Variants in IL12RB1 observed in about 807,000 individuals in gnomAD.
The protein encoded by IL12RB1 is interleukin 12 receptor subunit beta 1, also known as interleukin-12 receptor subunit beta-1.
IL12RB1 carries 64 observed loss-of-function variants against 94.4 expected under a neutral mutation model. The observed-to-expected ratio is 0.68, with a 90% confidence interval of 0.55 to 0.83. The LOEUF is 0.83. IL12RB1 is among the 40% of genes least tolerant of loss of function. The pLI is 0.00. For missense variants in IL12RB1, 814 were observed against 855.6 expected, an observed-to-expected ratio of 0.95 and a Z score of 0.61; for synonymous variants, 362 against 355.5, an observed-to-expected ratio of 1.02 and a Z score of -0.21.
chr19:18,059,447 T>A lies in IL12RB1; in HGVS notation c.*161A>T, dbSNP rs572939992. Reference sequence around the variant, plus strand: ...CAGCAGCTTCCATTTCATGGCAGCATCTAGGGTTCCCCCGCAGGATGGGTG... The same window carrying A: ...CAGCAGCTTCCATTTCATGGCAGCAACTAGGGTTCCCCCGCAGGATGGGTG... On this transcript the variant is annotated 3_prime_UTR_variant, in exon 17 of 17. Transcript: ENST00000593993. 14 of 645,288 alleles carry A rather than the reference T, an allele frequency of 2.2e-5. No homozygotes were observed. The African/African-American group carries it at 2.9e-4, about 13-fold the overall frequency. The allele number at this position is 645,288 out of a possible 1,614,324, so 40.0% of individuals were successfully genotyped here. A position where few individuals can be genotyped will look rare whatever the true frequency, so the allele number is the denominator to read the frequency against.
Position 18,066,798 on chromosome 19 carries a change from G to A in IL12RB1, c.1328-101C>T, listed in dbSNP as rs1052330029. ...TCCCAGCACTTTGGGAGGCCGAGGT[G>A]GGTAAGTCATTTGAGGCCAGGAGTT... On this transcript the variant is annotated intron_variant, in intron 11 of 16. Transcript: ENST00000593993. 5 of 883,284 alleles carry A rather than the reference G, an allele frequency of 5.7e-6. No individual in the cohort carries two copies. In the Admixed American group the frequency reaches 7.4e-5, roughly 13 times the overall value. 54.7% of individuals were successfully genotyped at this position (883,284 alleles called of 1,614,324 possible).
In IL12RB1 at chr19:18,076,279, TA is replaced by T; in HGVS notation, c.580+17del. ...AATTTGCTGCAGCTGTTGTTGTCAT[TA>T]CTATTATTATTCTCACCAGTATCAT... On this transcript the variant is annotated intron_variant, in intron 6 of 16. Coordinates refer to ENST00000593993, the MANE Select transcript of IL12RB1 (RefSeq NM_005535.3). The T allele has an allele frequency of 7.9e-7, 1 of 1,261,604 alleles. No homozygotes were observed. Among genetic ancestry groups the T allele is most frequent in the Non-Finnish European group, 1.2e-6 (1 of 857,742 alleles). 78.2% of individuals were successfully genotyped at this position (1,261,604 alleles called of 1,614,324 possible).
At chr19:18,091,083 G>A (rs952977922), upstream of IL12RB1, among the ~76,000 whole-genome samples, 2 of 152,110 alleles carry the variant, frequency 1.3e-5, no homozygotes, top group Non-Finnish European at 1.5e-5. Flanking sequence ...GGCTTTCTCC[G>A]AGGGCGGTAG....
intron 1 of IL12RB1, among the ~76,000 whole-genome samples, chr19:18,097,366 G>GT (rs1251826102): frequency 2.0e-5 from 3 of 151,388 alleles, no homozygotes; most frequent in African/African-American, 4.9e-5. Flanking sequence ...TTTTGTTTTG[G>GT]TTTTTTTTGT....
Position 18,059,649 on chromosome 19 carries a change from G to T in IL12RB1, c.1984-36C>A, listed in dbSNP as rs372536968. ...CAACAGTCATGGTTCCTTTCAGGGG[G>T]TGGTTGTAGGGATTTGGTAGGGAAT... On this transcript the variant is annotated intron_variant, in intron 16 of 16. Transcript: ENST00000593993. 1.1e-4 allele frequency: 88 copies of T among 780,420 alleles called. No homozygotes were observed. In the Middle Eastern group the frequency reaches 1.8e-3, roughly 16 times the overall value. 48.3% of individuals were successfully genotyped at this position (780,420 alleles called of 1,614,324 possible).
chr19:18,097,973 T>A (rs1662666102), intron 1 of IL12RB1: 1 of 620,798 alleles, frequency 1.6e-6, no homozygotes, highest in Admixed American at 4.6e-5. Flanking sequence ...CGCTTCTTTT[T>A]GACCACCCGC....
rs970804774 is a variant in IL12RB1 at position 18,059,524 on chromosome 19, T to G, written c.*84A>C. 6.7e-5 allele frequency: 51 copies of G among 758,264 alleles called. No homozygotes were observed. Among genetic ancestry groups the G allele is most frequent in the Non-Finnish European group, 1.7e-5 (7 of 406,662 alleles). The allele number at this position is 758,264 out of a possible 1,614,324, so 47.0% of individuals were successfully genotyped here. A position where few individuals can be genotyped will look rare whatever the true frequency, so the allele number is the denominator to read the frequency against. ...CAGGTGCACTGGAGCCTGGAGGAGC[T>G]CTGGGTTATTTGGGTCCAAATGTGA... On this transcript the variant is annotated 3_prime_UTR_variant, in exon 17 of 17. Transcript: ENST00000593993.
At position 18,072,353 on chromosome 19, in the gene IL12RB1, T is replaced by C; in HGVS notation, c.784-4A>G. 6.2e-7 allele frequency: 1 copy of C among 1,604,878 alleles called. No homozygotes were observed. Among genetic ancestry groups the C allele is most frequent in the Non-Finnish European group, 8.5e-7 (1 of 1,171,768 alleles). On this transcript the variant is annotated splice_region_variant and splice_polypyrimidine_tract_variant and intron_variant, in intron 8 of 16. Coordinates refer to ENST00000593993, the MANE Select transcript of IL12RB1 (RefSeq NM_005535.3). The stretch of plus-strand genomic sequence containing the variant: ...CTGGAAGCTCCAGCTGGGTTGGCTG[T>C]CAGGAGTATGAAAGACAGCTTGTGG...
upstream of IL12RB1, among the ~76,000 whole-genome samples, chr19:18,091,760 C>G (rs2036639067): frequency 6.6e-6 from 1 of 151,940 alleles, no homozygotes; most frequent in Non-Finnish European, 1.5e-5. Flanking sequence ...TGCAGTGACA[C>G]AATCATAGCT....
intron 2 of IL12RB1, 33 bp from the exon 3 acceptor site, chr19:18,082,297 C>A: frequency 7.4e-7 from 1 of 1,353,076 alleles, no homozygotes; most frequent in South Asian, 1.2e-5. Context: ...GGGAACAGAC[C>A]AGAGTCTGGA....
chr19:18,072,623 T>C (rs1225665649), intron 8 of IL12RB1, among the ~76,000 whole-genome samples: 1 of 151,926 alleles, frequency 6.6e-6, no homozygotes, highest in Non-Finnish European at 1.5e-5. Context: ...TTTAACCCAG[T>C]TACCTCAAGC....
intron 1 of IL12RB1, among the ~76,000 whole-genome samples, chr19:18,096,832 T>TAAA (rs147883182): frequency 1.5e-5 from 2 of 135,062 alleles, no homozygotes. Flanking sequence ...TCTCATAAAT[T>TAAA]AAAAAAAAAA....
chr19:18,081,091 T>C, intron 3 of IL12RB1, 90 bp from the exon 4 acceptor site: 1 of 1,231,478 alleles, frequency 8.1e-7, no homozygotes, highest in South Asian at 1.3e-5. Flanking sequence ...GCATCGTTTT[T>C]TTGGTGTTTG....
At chr19:18,066,733 A>T (rs2034610874) in intron 11 of IL12RB1, 36 bp from the exon 12 acceptor site, 2 of 1,582,620 alleles carry the variant, frequency 1.3e-6, no homozygotes. Flanking sequence ...CAACACCAAG[A>T]ATGCTGGTCG....
chr19:18,073,723 GA>G (rs1282666958), intron 7 of IL12RB1, 124 bp from the exon 8 acceptor site: 2 of 727,004 alleles, frequency 2.8e-6, no homozygotes, highest in African/African-American at 3.5e-5. Flanking sequence ...CCAAATTGCA[GA>G]AAAGAGAAAA....
chr19:18,084,906 C>A (rs1434040849), intron 1 of IL12RB1, among the ~76,000 whole-genome samples: 1 of 152,200 alleles, frequency 6.6e-6, no homozygotes, highest in African/African-American at 2.4e-5. Context: ...GGGGTGGCAC[C>A]AGTGTCTGAA....
chr19:18,064,109 C>T, intron 12 of IL12RB1, 99 bp from the exon 13 acceptor site: 4 of 670,390 alleles, frequency 6.0e-6, no homozygotes, highest in Non-Finnish European at 1.0e-5. Context: ...GATTCATAGG[C>T]ATTTTGCTAA....
intron 2 of IL12RB1, 52 bp downstream of exon 2, chr19:18,083,380 T>TC: frequency 1.3e-6 from 2 of 1,554,964 alleles, no homozygotes; most frequent in Non-Finnish European, 1.8e-6. Context: ...GTGGATGGGG[T>TC]CAGGCAGAGC....
At chr19:18,065,858 A>G (rs1246143119) in intron 12 of IL12RB1, among the ~76,000 whole-genome samples, 1 of 151,330 alleles carries the variant, frequency 6.6e-6, no homozygotes, top group East Asian at 2.0e-4. Context: ...TGGGCAATAT[A>G]GCAAGGCCTC....
Sources: allele counts gnomAD v4.1 joint callset (sites outside exome capture counted in the v4.1 genomes callset), GRCh38; gene constraint gnomAD v4.1.1; transcripts MANE v1.5; gene names NCBI Gene and HGNC (gene_info 2026-07-23, HGNC 2026-07-21).